DGKI: variants seen among roughly 807,000 people sequenced by gnomAD.
DGKI encodes DAG kinase iota.
In DGKI, 55 loss-of-function variants were observed where a neutral mutation model predicts 147.5. That is an observed-to-expected ratio of 0.37 (90% CI 0.30 to 0.47). The LOEUF (loss-of-function observed/expected upper bound fraction) is 0.47. Ranked by LOEUF, DGKI falls within the 20% of genes least tolerant of loss-of-function variation. The probability of loss-of-function intolerance (pLI) is 1.00; values close to 1 mark genes in which losing one functional copy is unlikely to be tolerated. For missense variants in DGKI, 1,007 were observed against 1,323.8 expected, an observed-to-expected ratio of 0.76 and a Z score of 3.71; for synonymous variants, 469 against 477.1, an observed-to-expected ratio of 0.98 and a Z score of 0.22.
chr7:137,480,506 T>C lies in DGKI; in HGVS notation c.2373+4868A>G, dbSNP rs578170503. ...GACACAATTTTAATGGAATACAACA[T>C]AGGCTGGTCCTCCAGAAGAGCAGGC... On this transcript the variant is annotated intron_variant, in intron 23 of 32. Coordinates refer to ENST00000614521, the MANE Select transcript of DGKI (RefSeq NM_001321708.2). 2.4e-4 allele frequency among the ~76,000 whole-genome samples: 37 copies of C among 152,026 alleles called. 1 individual carries two copies. The highest frequency in any genetic ancestry group is 4.6e-4 in the Admixed American group (7 of 15,248).
intron 3 of DGKI, among the ~76,000 whole-genome samples, chr7:137,660,259 A>G (rs1349474933): frequency 6.6e-6 from 1 of 152,194 alleles, no homozygotes; most frequent in Non-Finnish European, 1.5e-5. Flanking sequence ...AAACTAAGAC[A>G]ATATGGAATA....
At chr7:137,545,095 G>T (rs538622470) in intron 20 of DGKI, among the ~76,000 whole-genome samples, 2 of 152,300 alleles carry the variant, frequency 1.3e-5, no homozygotes, top group Admixed American at 1.3e-4. Context: ...TATTAACTGT[G>T]TGACCTTGGG....
chr7:137,450,628 A>C (rs925264693), intron 27 of DGKI, among the ~76,000 whole-genome samples: 1 of 152,172 alleles, frequency 6.6e-6, no homozygotes, highest in African/African-American at 2.4e-5. Context: ...AGGCTAAGGC[A>C]GGAGAATCAG....
At chr7:137,393,243 C>G (rs773817588) in intron 32 of DGKI, among the ~76,000 whole-genome samples, 9 of 151,624 alleles carry the variant, frequency 5.9e-5, no homozygotes, top group African/African-American at 1.2e-4. Context: ...TTAAAAAAAG[C>G]AGACACATAC....
At chr7:137,697,996 C>T (rs1823849025) in intron 1 of DGKI, among the ~76,000 whole-genome samples, 1 of 150,674 alleles carries the variant, frequency 6.6e-6, no homozygotes, top group South Asian at 2.1e-4. Flanking sequence ...CTCTCCAGAT[C>T]TCCAGATAGA....
In DGKI at chr7:137,387,469, G is replaced by T. The variant is rs1811208715; in HGVS notation, c.*3751C>A. The T allele has an allele frequency of 2.0e-5, 3 of 152,118 alleles. No homozygotes were observed. In the South Asian group the frequency reaches 6.2e-4, roughly 32 times the overall value. The allele number at this position is 152,118 out of a possible 1,614,324, so 9.4% of individuals were successfully genotyped here. On this transcript the variant is annotated 3_prime_UTR_variant, in exon 33 of 33. Transcript: ENST00000614521. The stretch of plus-strand genomic sequence containing the variant: ...TTCACTAGACATATACAAATGATCA[G>T]CATGCTTTTAAAATGTTTGCTCTTT...
intron 6 of DGKI, among the ~76,000 whole-genome samples, chr7:137,634,278 T>C (rs533600242): frequency 6.6e-6 from 1 of 152,226 alleles, no homozygotes; most frequent in South Asian, 2.1e-4. Context: ...CTGCAGCAGG[T>C]CCAGCCTGCA....
chr7:137,808,304 C>T (rs778325194), intron 1 of DGKI, among the ~76,000 whole-genome samples: 1 of 152,154 alleles, frequency 6.6e-6, no homozygotes, highest in Non-Finnish European at 1.5e-5. Flanking sequence ...TAAATACAGA[C>T]TTAATCATAA....
At chr7:137,693,059 T>C (rs1823665610) in intron 1 of DGKI, among the ~76,000 whole-genome samples, 1 of 152,160 alleles carries the variant, frequency 6.6e-6, no homozygotes, top group African/African-American at 2.4e-5. Context: ...TGCATACACA[T>C]TTTCTTCCAA....
intron 17 of DGKI, 82 bp from the exon 18 acceptor site, chr7:137,572,920 T>C (rs1012105004): frequency 1.2e-5 from 11 of 937,406 alleles, no homozygotes; most frequent in Non-Finnish European, 1.8e-5. Flanking sequence ...TTGACAATAG[T>C]ACACACCATG....
At chr7:137,616,516 A>AT (rs1359117153) in intron 8 of DGKI, among the ~76,000 whole-genome samples, 1 of 152,150 alleles carries the variant, frequency 6.6e-6, no homozygotes, top group Non-Finnish European at 1.5e-5. Context: ...GATTCCAGGT[A>AT]TGGACAGGAA....
At chr7:137,771,514 T>C (rs770880397) in intron 1 of DGKI, 10 of 152,232 alleles carry the variant, frequency 6.6e-5, no homozygotes, top group Admixed American at 1.3e-4. Context: ...AAATTAAGTA[T>C]GCCAGAAAGC....
chr7:137,748,898 A>G (rs1003938505), intron 1 of DGKI, among the ~76,000 whole-genome samples: 2 of 152,222 alleles, frequency 1.3e-5, no homozygotes, highest in African/African-American at 4.8e-5. Context: ...TTTACAAGTT[A>G]CTGGTTTCTT....
intron 2 of DGKI, 74 bp downstream of exon 2, chr7:137,689,820 C>G (rs778058772): frequency 1.2e-4 from 123 of 1,062,866 alleles, no homozygotes; most frequent in Non-Finnish European, 1.5e-4. Context: ...TTCCTTGTAA[C>G]TAGAGGAATC....
intron 1 of DGKI, among the ~76,000 whole-genome samples, chr7:137,753,054 ACAC>A (rs1795558319): frequency 6.6e-6 from 1 of 152,082 alleles, no homozygotes; most frequent in Non-Finnish European, 1.5e-5. Flanking sequence ...ATACACACAC[ACAC>A]ACACACACGC....
chr7:137,548,922 T>C (rs919411427), intron 20 of DGKI, among the ~76,000 whole-genome samples: 5 of 152,098 alleles, frequency 3.3e-5, no homozygotes, highest in Non-Finnish European at 5.9e-5. Context: ...GAGGGCACCA[T>C]GGCACTCCAG....
chr7:137,570,547 A>G (rs1262094431), intron 19 of DGKI, among the ~76,000 whole-genome samples: 1 of 152,106 alleles, frequency 6.6e-6, no homozygotes, highest in Non-Finnish European at 1.5e-5. Flanking sequence ...AAAAAGTATA[A>G]AATGCTATGG....
At chr7:137,752,915 G>A (rs1039114209) in intron 1 of DGKI, among the ~76,000 whole-genome samples, 6 of 152,104 alleles carry the variant, frequency 3.9e-5, no homozygotes, top group Admixed American at 1.3e-4. Flanking sequence ...ACTCTGACAC[G>A]GGTATTTTGC....
At chr7:137,666,098 AG>A (rs1289609125) in intron 3 of DGKI, among the ~76,000 whole-genome samples, 1 of 152,234 alleles carries the variant, frequency 6.6e-6, no homozygotes, top group African/African-American at 2.4e-5. Context: ...TTTTTAAGGG[AG>A]GAAAAAGGTA....
Sources: allele counts gnomAD v4.1 joint callset (sites outside exome capture counted in the v4.1 genomes callset), GRCh38; gene constraint gnomAD v4.1.1; transcripts MANE v1.5; gene names NCBI Gene and HGNC (gene_info 2026-07-23, HGNC 2026-07-21).